Variants in FLRT2 observed in about 807,000 individuals in gnomAD.
FLRT2 encodes the protein leucine-rich repeat transmembrane protein FLRT2.
In FLRT2, 15 loss-of-function variants were observed where a neutral mutation model predicts 40.0. The observed-to-expected ratio is 0.38, with a 90% CI of 0.25 to 0.58. The LOEUF is 0.58. Ranked by LOEUF, FLRT2 falls within the 20% of genes least tolerant of loss-of-function variation. The pLI is 0.71. For synonymous variants in FLRT2, 380 were observed against 336.8 expected (o/e 1.13, Z -1.41); for missense variants, 726 against 840.0 (o/e 0.86, Z 1.68).
chr14:85,615,933 T>A (rs1259405892), intron 1 of FLRT2, among the ~76,000 whole-genome samples: 1 of 152,216 alleles, frequency 6.6e-6, no homozygotes, highest in Non-Finnish European at 1.5e-5. Flanking sequence ...GAATACAGGC[T>A]CCTGGAATTA....
intron 1 of FLRT2, among the ~76,000 whole-genome samples, chr14:85,559,774 T>C (rs188787514): frequency 6.6e-6 from 1 of 152,120 alleles, no homozygotes; most frequent in Non-Finnish European, 1.5e-5. Context: ...CTGCTCTTAC[T>C]CAGGTCTGTG....
chr14:85,610,997 G>A (rs1892832079), intron 1 of FLRT2, among the ~76,000 whole-genome samples: 1 of 152,156 alleles, frequency 6.6e-6, no homozygotes, highest in Non-Finnish European at 1.5e-5. Flanking sequence ...CTGGGTTCAA[G>A]TGAATCTCCT....
intron 1 of FLRT2, among the ~76,000 whole-genome samples, chr14:85,539,959 C>T (rs1017240774): frequency 1.1e-4 from 16 of 152,024 alleles, no homozygotes; most frequent in African/African-American, 1.7e-4. Flanking sequence ...TCTGAGTTTG[C>T]GCTATTTTGA....
At chr14:85,533,072 C>T (rs1220814185) in intron 1 of FLRT2, among the ~76,000 whole-genome samples, 2 of 152,172 alleles carry the variant, frequency 1.3e-5, no homozygotes, top group African/African-American at 4.8e-5. Flanking sequence ...GACTTTGCCT[C>T]TTGGAAATCA....
intron 1 of FLRT2, among the ~76,000 whole-genome samples, chr14:85,577,264 G>A (rs1891159661): frequency 6.6e-6 from 1 of 152,134 alleles, no homozygotes. Context: ...TTTCAAAAAT[G>A]TATTTTTATA....
chr14:85,652,051 C>A lies in FLRT2; in HGVS notation c.*28554C>A, dbSNP rs1244889147. 6.6e-6 allele frequency: 1 copy of A among 151,844 alleles called. No homozygotes were observed. Among genetic ancestry groups the A allele is most frequent in the South Asian group, 2.1e-4 (1 of 4,820 alleles). The allele number at this position is 151,844 out of a possible 1,614,324, so 9.4% of individuals were successfully genotyped here. A position where few individuals can be genotyped will look rare whatever the true frequency, so the allele number is the denominator to read the frequency against. ...GGAAAATAGCGTAGATCAGATAATT[C>A]TCATTAAATCAGCTGTTTATTAAAA... is the stretch of plus-strand genomic sequence containing the variant. On this transcript the variant is annotated 3_prime_UTR_variant, in exon 2 of 2. Coordinates refer to ENST00000330753, the MANE Select transcript of FLRT2 (RefSeq NM_013231.6).
chr14:85,561,094 A>G (rs773256663), intron 1 of FLRT2: 12 of 152,186 alleles, frequency 7.9e-5, no homozygotes, highest in African/African-American at 1.4e-4. Flanking sequence ...TGCACAGTCT[A>G]TATTTCTTTG....
rs779387867 is a variant in FLRT2, at chr14:85,623,450, C to T, written c.1936C>T (p.Arg646Ter). ...AGACTGCCATATCCCCAACAACATG[C>T]GATACTGCAACAGCAGCGTGCCAGA... is the stretch of plus-strand genomic sequence containing the variant. Reference protein sequence around the residue: ...YTDCHIPNNMRYCNSSVPDLE... With the variant: ...YTDCHIPNNM The change falls in exon 2 of 2, where the codon CGA (arginine) becomes TGA (stop). Residue 646 changes from arginine to a stop codon, truncating the protein, a stop_gained. Transcript: ENST00000330753. LOFTEE classifies it high-confidence loss of function. 14 of 1,469,866 alleles carry T rather than the reference C, an allele frequency of 9.5e-6. No homozygotes were observed. In the South Asian group the frequency reaches 1.6e-4, roughly 17 times the overall value. 91.1% of individuals were successfully genotyped at this position (1,469,866 alleles called of 1,614,324 possible). A position where few individuals can be genotyped will look rare whatever the true frequency, so the allele number is the denominator to read the frequency against.
chr14:85,543,536 A>AT (rs1230931931), intron 1 of FLRT2, among the ~76,000 whole-genome samples: 1 of 151,640 alleles, frequency 6.6e-6, no homozygotes, highest in Admixed American at 6.6e-5. Context: ...CTAAAAAAAA[A>AT]AAATAAAGAA....
At chr14:85,612,444 G>T (rs1453603956) in intron 1 of FLRT2, among the ~76,000 whole-genome samples, 1 of 152,056 alleles carries the variant, frequency 6.6e-6, no homozygotes, top group Non-Finnish European at 1.5e-5. Flanking sequence ...TAAGAGTATT[G>T]TGCAACCACA....
rs546879221 is a variant in FLRT2 at position 85,633,807 on chromosome 14, A to G, written c.*10310A>G. The G allele has an allele frequency of 6.6e-6, 1 of 152,234 alleles. No homozygotes were observed. The highest frequency in any genetic ancestry group is 2.4e-5 in the African/African-American group (1 of 41,536). 9.4% of individuals were successfully genotyped at this position (152,234 alleles called of 1,614,324 possible). On this transcript the variant is annotated 3_prime_UTR_variant, in exon 2 of 2. Transcript: ENST00000330753. ...TGAGCAAGACCCTGTCTCAAAAAAA[A>G]AAAAAAAGTAATAAATTTCTGATAT... is the stretch of plus-strand genomic sequence containing the variant.
At chr14:85,617,009 A>G (rs1893166803) in intron 1 of FLRT2, among the ~76,000 whole-genome samples, 1 of 152,162 alleles carries the variant, frequency 6.6e-6, no homozygotes, top group Non-Finnish European at 1.5e-5. Context: ...CCAACTTTCT[A>G]AAGCACTTGT....
chr14:85,587,740 A>T (rs1183803274), intron 1 of FLRT2, among the ~76,000 whole-genome samples: 1 of 152,158 alleles, frequency 6.6e-6, no homozygotes, highest in Admixed American at 6.5e-5. Flanking sequence ...TTGGAAGAAG[A>T]GCTCGTATTT....
At position 85,583,723 on chromosome 14, in the gene FLRT2, T is replaced by G. The variant is rs74953877; in HGVS notation, c.-376-37416T>G. Among the ~76,000 whole-genome samples the G allele has an allele frequency of 5.4e-3, 819 of 152,290 alleles. 9 individuals carry two copies. The East Asian group carries it at 0.06, about 11-fold the overall frequency. On this transcript the variant is annotated intron_variant, in intron 1 of 1. Transcript: ENST00000330753. ...GTGGAGTGCTGCATGTTGATTGCCA[T>G]GCCCTAGAAAGAGCAGAGGCAGAAG...
chr14:85,598,104 C>T (rs76398470), intron 1 of FLRT2, among the ~76,000 whole-genome samples: 1 of 152,328 alleles, frequency 6.6e-6, no homozygotes, highest in East Asian at 1.9e-4. Flanking sequence ...AGACACATCC[C>T]ACATCTAATG....
At chr14:85,572,180 A>G (rs529595785) in intron 1 of FLRT2, among the ~76,000 whole-genome samples, 2 of 152,116 alleles carry the variant, frequency 1.3e-5, no homozygotes, top group South Asian at 2.1e-4. Flanking sequence ...TAGATCATAA[A>G]CCTAGGATTT....
intron 1 of FLRT2, among the ~76,000 whole-genome samples, chr14:85,600,337 G>A (rs953705058): frequency 6.6e-6 from 1 of 152,188 alleles, no homozygotes; most frequent in Non-Finnish European, 1.5e-5. Flanking sequence ...TGATCAGAAT[G>A]TTCTAATTGG....
rs58015337 is a variant in FLRT2, at chr14:85,644,140, AT to A, written c.*20654del. ...TTCTAAGACGTCCTCATTTAACTTG[AT>A]TTTTTTTTTTAATCTATGAAGTAGT... On this transcript the variant is annotated 3_prime_UTR_variant, in exon 2 of 2. Transcript: ENST00000330753. 4.1e-4 allele frequency: 61 copies of A among 149,082 alleles called. No individual in the cohort carries two copies. Among genetic ancestry groups the A allele is most frequent in the Middle Eastern group, 6.9e-3 (2 of 290 alleles). 9.2% of individuals were successfully genotyped at this position (149,082 alleles called of 1,614,324 possible). A position where few individuals can be genotyped will look rare whatever the true frequency, so the allele number is the denominator to read the frequency against.
rs1894188686 is a variant in FLRT2 at position 85,643,008 on chromosome 14, T to A, written c.*19511T>A. ...GATCTGGTGTCTGGTGATGCTCCTC[T>A]TTTTGAGTTGTAAACAACTGCCCTC... On this transcript the variant is annotated 3_prime_UTR_variant, in exon 2 of 2. Transcript: ENST00000330753. 1 of 152,206 alleles carries A rather than the reference T, an allele frequency of 6.6e-6. No homozygotes were observed. Among genetic ancestry groups the A allele is most frequent in the Non-Finnish European group, 1.5e-5 (1 of 68,040 alleles). 9.4% of individuals were successfully genotyped at this position (152,206 alleles called of 1,614,324 possible).
Sources: gnomAD v4.1 joint callset for allele counts (sites outside exome capture counted in the v4.1 genomes callset) on GRCh38, gnomAD v4.1.1 for gene constraint, MANE v1.5 for transcripts, NCBI Gene and HGNC (gene_info 2026-07-23, HGNC 2026-07-21) for gene names.